The following BCL2L1 variants were observed in gnomAD, a reference collection of about 807,000 sequenced individuals.
The protein encoded by BCL2L1 is bcl-2-like protein 1.
Under a neutral mutation model 18.7 loss-of-function variants are expected in BCL2L1, and 1 was observed. The observed-to-expected ratio is 0.05, with a 90% confidence interval of 0.02 to 0.25. The LOEUF is 0.25. BCL2L1 is among the 10% of genes least tolerant of loss of function. The pLI, the probability that BCL2L1 is intolerant of heterozygous loss-of-function variation, is 1.00. For synonymous variants in BCL2L1, 103 were observed against 122.7 expected, an observed-to-expected ratio of 0.84 and a Z score of 1.06; for missense variants, 207 against 304.9, an observed-to-expected ratio of 0.68 and a Z score of 2.39.
chr20:31,678,081 C>T (rs1372213075), intron 2 of BCL2L1, among the ~76,000 whole-genome samples: 2 of 152,208 alleles, frequency 1.3e-5, no homozygotes, highest in Non-Finnish European at 2.9e-5. Context: ...GGACAGGAAG[C>T]TTATGGGAAA....
chr20:31,704,472 C>T (rs1057087735), intron 2 of BCL2L1, among the ~76,000 whole-genome samples: 1 of 152,146 alleles, frequency 6.6e-6, no homozygotes, highest in Non-Finnish European at 1.5e-5. Context: ...CCCTTCCCAG[C>T]TTTTTCCCTG....
At chr20:31,667,547 C>G (rs965319652) in intron 2 of BCL2L1, among the ~76,000 whole-genome samples, 1 of 143,546 alleles carries the variant, frequency 7.0e-6, no homozygotes, top group South Asian at 2.1e-4. Flanking sequence ...GTTCTTGCCT[C>G]TCTACCAAGA....
At chr20:31,713,560 G>A (rs1215435076) in intron 2 of BCL2L1, 2 of 985,254 alleles carry the variant, frequency 2.0e-6, no homozygotes, top group East Asian at 1.1e-4. Context: ...AAAAAGCTGT[G>A]TGGCTCAGAG....
chr20:31,673,133 A>G (rs374289851), intron 2 of BCL2L1, among the ~76,000 whole-genome samples: 10 of 142,130 alleles, frequency 7.0e-5, no homozygotes, highest in African/African-American at 2.4e-4. Context: ...GTGCAGTGGC[A>G]TGATCTTGGC....
chr20:31,697,611 G>T (rs954745717), intron 2 of BCL2L1, among the ~76,000 whole-genome samples: 6 of 151,906 alleles, frequency 3.9e-5, no homozygotes, highest in African/African-American at 9.7e-5. Flanking sequence ...CTAATTTTTT[G>T]TATTTTTAGT....
At chr20:31,686,268 G>A (rs1418638410) in intron 2 of BCL2L1, 1 of 152,208 alleles carries the variant, frequency 6.6e-6, no homozygotes, top group Non-Finnish European at 1.5e-5. Flanking sequence ...AATGGAGGTG[G>A]TTCAAACCCA....
chr20:31,698,711 G>A (rs1387966954), intron 2 of BCL2L1, among the ~76,000 whole-genome samples: 1 of 151,884 alleles, frequency 6.6e-6, no homozygotes, highest in Non-Finnish European at 1.5e-5. Context: ...GCTAATTTTT[G>A]TATTTTTTTG....
intron 2 of BCL2L1, among the ~76,000 whole-genome samples, chr20:31,703,274 C>T (rs1319548833): frequency 6.6e-6 from 1 of 151,930 alleles, no homozygotes; most frequent in African/African-American, 2.4e-5. Context: ...GAACTCATTA[C>T]CTCAGGTGAT....
intron 2 of BCL2L1, among the ~76,000 whole-genome samples, chr20:31,710,963 T>G (rs969510350): frequency 6.6e-6 from 1 of 152,124 alleles, no homozygotes; most frequent in African/African-American, 2.4e-5. Context: ...TAAGAAGCAA[T>G]GACGCTTATA....
intron 2 of BCL2L1, among the ~76,000 whole-genome samples, chr20:31,711,554 G>GT (rs1360796902): frequency 2.6e-5 from 4 of 152,190 alleles, no homozygotes; most frequent in African/African-American, 9.7e-5. Flanking sequence ...AATATCCACA[G>GT]TATCACTAGC....
intron 2 of BCL2L1, among the ~76,000 whole-genome samples, chr20:31,673,177 T>C (rs751852876): frequency 5.3e-5 from 8 of 149,698 alleles, no homozygotes; most frequent in Non-Finnish European, 8.9e-5. Flanking sequence ...GTTCAAGCAA[T>C]TCTTCTGCCT....
Position 31,697,697 on chromosome 20 carries a change from A to G in BCL2L1, c.564+23958T>C, listed in dbSNP as rs149047954. Among the ~76,000 whole-genome samples the G allele has an allele frequency of 2.3e-3, 348 of 152,250 alleles. 10 individuals carry two copies. The East Asian group carries it at 0.06, about 26-fold the overall frequency. ...CATGATCTGCCCACCTCATCCTCCC[A>G]AAGTGCTGGGATTACAGGCGTGAGC... is the stretch of plus-strand genomic sequence containing the variant. On this transcript the variant is annotated intron_variant, in intron 2 of 2. Transcript: ENST00000307677.
Position 31,665,758 on chromosome 20 carries a change from T to C in BCL2L1, c.*191A>G. 1.4e-6 allele frequency: 1 copy of C among 710,648 alleles called. No individual in the cohort carries two copies. 44.0% of individuals were successfully genotyped at this position (710,648 alleles called of 1,614,324 possible). Reference sequence around the variant, plus strand: ...TTCTGAGGCCAAGGGAACTGAGGTGTGGGGGTCTCACAGAAGTGTGATAAA... The same window carrying C: ...TTCTGAGGCCAAGGGAACTGAGGTGCGGGGGTCTCACAGAAGTGTGATAAA... On this transcript the variant is annotated 3_prime_UTR_variant, in exon 3 of 3. Coordinates refer to ENST00000307677, the MANE Select transcript of BCL2L1 (RefSeq NM_138578.3).
At chr20:31,696,758 T>G (rs2061177048) in intron 2 of BCL2L1, among the ~76,000 whole-genome samples, 1 of 151,900 alleles carries the variant, frequency 6.6e-6, no homozygotes, top group African/African-American at 2.4e-5. Flanking sequence ...ACTAAAAATT[T>G]AAAAATAAGC....
intron 2 of BCL2L1, among the ~76,000 whole-genome samples, chr20:31,709,046 AAG>A (rs780185057): frequency 2.0e-5 from 3 of 152,144 alleles, no homozygotes; most frequent in Non-Finnish European, 2.9e-5. Flanking sequence ...CCTGGCTGGC[AAG>A]AGATTCTTTT....
chr20:31,711,783 A>G (rs1434016799), intron 2 of BCL2L1, among the ~76,000 whole-genome samples: 27 of 152,208 alleles, frequency 1.8e-4, no homozygotes, highest in Non-Finnish European at 4.4e-5. Flanking sequence ...AGGGCTGAAC[A>G]TACCCACCTC....
At chr20:31,673,006 C>A (rs956236837) in intron 2 of BCL2L1, among the ~76,000 whole-genome samples, 1 of 151,474 alleles carries the variant, frequency 6.6e-6, no homozygotes, top group Admixed American at 6.6e-5. Context: ...ACCCTTCCCA[C>A]TTCTTCCAAG....
At chr20:31,668,292 G>A (rs888346656) in intron 2 of BCL2L1, among the ~76,000 whole-genome samples, 37 of 150,804 alleles carry the variant, frequency 2.5e-4, no homozygotes, top group African/African-American at 8.5e-4. Flanking sequence ...CTCTCTGCCT[G>A]TCCCCTTACC....
upstream of BCL2L1, chr20:31,723,868 C>G (rs1251936250): frequency 1.0e-6 from 1 of 985,368 alleles, no homozygotes; most frequent in Non-Finnish European, 1.2e-6. Flanking sequence ...GCCTACCTGG[C>G]TGACTGCTCG....
Sources: allele counts gnomAD v4.1 joint callset (sites outside exome capture counted in the v4.1 genomes callset), GRCh38; gene constraint gnomAD v4.1.1; transcripts MANE v1.5; gene names NCBI Gene and HGNC (gene_info 2026-07-23, HGNC 2026-07-21).